ABL2: variants seen among roughly 807,000 people sequenced by gnomAD.
ABL2 encodes the protein ABL proto-oncogene 2, non-receptor tyrosine kinase, also known as tyrosine-protein kinase ABL2.
A neutral mutation model predicts 107.7 loss-of-function variants in ABL2; 49 were observed. That is an observed-to-expected ratio of 0.45 (90% CI 0.36 to 0.58). The LOEUF is 0.58. Among genes scored for constraint, ABL2 ranks in the 20% least tolerant of loss-of-function variants. The probability of loss-of-function intolerance (pLI) is 0.00; values close to 1 mark genes in which losing one functional copy is unlikely to be tolerated. For synonymous variants in ABL2, 549 were observed against 548.6 expected, an observed-to-expected ratio of 1.00 and a Z score of -0.01; for missense variants, 1,245 against 1,457.0, an observed-to-expected ratio of 0.85 and a Z score of 2.37.
Position 179,105,976 on chromosome 1 carries a change from A to G in ABL2, c.*1742T>C, listed in dbSNP as rs1478030021. 1 of 222,888 alleles carries G rather than the reference A, an allele frequency of 4.5e-6. No homozygotes were observed. Among genetic ancestry groups the G allele is most frequent in the South Asian group, 1.8e-4 (1 of 5,428 alleles). The allele number at this position is 222,888 out of a possible 1,614,324, so 13.8% of individuals were successfully genotyped here. ...ACTTACTTGCAACACCCTTGAGAACATGTACTGTTACCTTAATTAAATAGA... is the reference window on the plus strand; with the variant it reads ...ACTTACTTGCAACACCCTTGAGAACGTGTACTGTTACCTTAATTAAATAGA... On this transcript the variant is annotated 3_prime_UTR_variant, in exon 12 of 12. Coordinates refer to ENST00000502732, the MANE Select transcript of ABL2 (RefSeq NM_007314.4).
chr1:179,156,059 A>G (rs1658668288), intron 1 of ABL2, among the ~76,000 whole-genome samples: 1 of 152,258 alleles, frequency 6.6e-6, no homozygotes, highest in Non-Finnish European at 1.5e-5. Context: ...TGTACTGTAG[A>G]TAATGTACTA....
At chr1:179,146,515 G>C (rs964553762) in intron 1 of ABL2, among the ~76,000 whole-genome samples, 2 of 152,126 alleles carry the variant, frequency 1.3e-5, no homozygotes, top group Non-Finnish European at 2.9e-5. Flanking sequence ...TATATATAAT[G>C]AGATATCTTG....
chr1:179,178,229 C>T (rs1660157737), intron 1 of ABL2, among the ~76,000 whole-genome samples: 2 of 151,762 alleles, frequency 1.3e-5, no homozygotes. Context: ...GAAACCCTGT[C>T]TGCACTAAAA....
intron 1 of ABL2, among the ~76,000 whole-genome samples, chr1:179,199,983 A>T (rs551906893): frequency 6.7e-6 from 1 of 150,060 alleles, no homozygotes; most frequent in African/African-American, 2.5e-5. Flanking sequence ...CTCCTGCCTC[A>T]GCCTCCCAAA....
At chr1:179,203,638 T>C (rs754638621) in intron 1 of ABL2, among the ~76,000 whole-genome samples, 10 of 152,214 alleles carry the variant, frequency 6.6e-5, no homozygotes, top group Non-Finnish European at 1.2e-4. Flanking sequence ...GAAAGGCATC[T>C]TGGTAGGCAA....
intron 1 of ABL2, chr1:179,201,548 T>G: frequency 3.0e-6 from 1 of 335,084 alleles, no homozygotes; most frequent in East Asian, 7.2e-5. Context: ...AGTAGCAACC[T>G]GGAACAGAAT....
Position 179,229,301 on chromosome 1 carries a change from G to A in ABL2, c.97C>T (p.Arg33Cys). ...RGSSAARPSGRRRDPAGRTTE... is the reference protein window; with the variant it reads ...RGSSAARPSGCRRDPAGRTTE... ...GTGCGCCCCGCCGGGTCCCGCCTGC[G>A]GCCGGAGGGCCTGGCTGCACTGCTG... Residue 33 changes from arginine (R) to cysteine (C), a missense_variant, in exon 1 of 12, where the codon CGC becomes TGC. Physicochemically the swap from Arg to Cys is radical, Grantham distance 180. Coordinates refer to ENST00000502732, the MANE Select transcript of ABL2 (RefSeq NM_007314.4). The A allele has an allele frequency of 6.3e-7, 1 of 1,579,424 alleles. No individual in the cohort carries two copies. Among genetic ancestry groups the A allele is most frequent in the Non-Finnish European group, 8.6e-7 (1 of 1,164,890 alleles).
intron 1 of ABL2, among the ~76,000 whole-genome samples, chr1:179,217,239 A>G (rs1189418556): frequency 6.6e-6 from 1 of 152,026 alleles, no homozygotes. Context: ...GGTTGAACCC[A>G]AGAGGCCGAG....
intron 1 of ABL2, among the ~76,000 whole-genome samples, chr1:179,136,550 G>C (rs1657006132): frequency 6.8e-6 from 1 of 148,038 alleles, no homozygotes; most frequent in African/African-American, 2.5e-5. Flanking sequence ...CTAATCTCAA[G>C]TACCCAGGGA....
At position 179,120,224 on chromosome 1, in the gene ABL2, C is replaced by CT; in HGVS notation, c.1010dup (p.Glu338GlyfsTer6). ...GTACCAGATTAGGATGCTTGATTTCCTTCATTACTGCAGCTTCTTTCAGGA... is the reference window on the plus strand; with the variant it reads ...GTACCAGATTAGGATGCTTGATTTCCTTTCATTACTGCAGCTTCTTTCAGGA... On this transcript the variant is annotated frameshift_variant, in exon 6 of 12. Transcript: ENST00000502732. LOFTEE classifies it high-confidence loss of function. 6.2e-7 allele frequency: 1 copy of CT among 1,607,462 alleles called. No individual in the cohort carries two copies.
intron 1 of ABL2, among the ~76,000 whole-genome samples, chr1:179,218,036 A>AGTACTTAGTTTTATGTACTC (rs1662671067): frequency 6.6e-6 from 1 of 152,204 alleles, no homozygotes; most frequent in South Asian, 2.1e-4. Flanking sequence ...TTTAAAAGAA[A>AGTACTTAGTTTTATGTACTC]AAACAGATAT....
rs10643666 is a variant in ABL2 at position 179,130,726 on chromosome 1, TTGTGTGTGTGTGTGTGTGTGTG to T, written c.391+563_391+584del. Among the ~76,000 whole-genome samples, 299 of 142,810 alleles carry T rather than the reference TTGTGTGTGTGTGTGTGTGTGTG, an allele frequency of 2.1e-3. 1 individual carries two copies. The highest frequency in any genetic ancestry group is 7.1e-3 in the African/African-American group (274 of 38,436). The allele number at this position is 142,810 out of a possible 152,430, so 93.7% of individuals were successfully genotyped here. A position where few individuals can be genotyped will look rare whatever the true frequency, so the allele number is the denominator to read the frequency against. ...CAAATAAAATCAATCATTATTGATT[TTGTGTGTGTGTGTGTGTGTGTG>T]TGTGTGTGTGTGTGTGTACGCACAC... On this transcript the variant is annotated intron_variant, in intron 3 of 11. Transcript: ENST00000502732.
At chr1:179,129,737 G>C (rs1018129125) in intron 3 of ABL2, among the ~76,000 whole-genome samples, 1 of 151,076 alleles carries the variant, frequency 6.6e-6, no homozygotes, top group Non-Finnish European at 1.5e-5. Context: ...CAAATTTTAC[G>C]TAAAATGTTC....
intron 1 of ABL2, among the ~76,000 whole-genome samples, chr1:179,180,393 T>C (rs779435122): frequency 2.0e-5 from 3 of 152,194 alleles, no homozygotes; most frequent in Non-Finnish European, 4.4e-5. Flanking sequence ...TTCTTATACG[T>C]TCCCTCTGAG....
intron 1 of ABL2, among the ~76,000 whole-genome samples, chr1:179,145,093 A>C (rs10913700): frequency 0.081 from 12,356 of 152,246 alleles, 522 homozygotes; most frequent in Middle Eastern, 0.11. Context: ...AAATGTTGAT[A>C]TATGCTACAA....
rs567591594 is a variant in ABL2 at position 179,191,902 on chromosome 1, T to C, written c.157+37339A>G. On this transcript the variant is annotated intron_variant, in intron 1 of 11. Coordinates refer to ENST00000502732, the MANE Select transcript of ABL2 (RefSeq NM_007314.4). Reference sequence around the variant, plus strand: ...ATGAGACAGAAAATCTGACAATCAATTGGAAACTGTCATATAAAAATTAAG... The same window carrying C: ...ATGAGACAGAAAATCTGACAATCAACTGGAAACTGTCATATAAAAATTAAG... 5.3e-5 allele frequency among the ~76,000 whole-genome samples: 8 copies of C among 152,256 alleles called. No individual in the cohort carries two copies. The South Asian group carries it at 1.7e-3, about 32-fold the overall frequency.
intron 1 of ABL2, among the ~76,000 whole-genome samples, chr1:179,219,095 T>C (rs1240135657): frequency 6.6e-6 from 1 of 152,112 alleles, no homozygotes; most frequent in African/African-American, 2.4e-5. Context: ...CAGAATGGAG[T>C]GCAGCGACGT....
intron 1 of ABL2, among the ~76,000 whole-genome samples, chr1:179,201,312 A>G (rs1411771413): frequency 6.6e-6 from 1 of 152,200 alleles, no homozygotes; most frequent in East Asian, 1.9e-4. Flanking sequence ...CACTTTAACT[A>G]AAATTACCTT....
intron 1 of ABL2, among the ~76,000 whole-genome samples, chr1:179,145,068 G>C (rs1657892418): frequency 6.6e-6 from 1 of 152,108 alleles, no homozygotes; most frequent in African/African-American, 2.4e-5. Flanking sequence ...GTATTATTTA[G>C]CCATAAAAAG....
Sources: gnomAD v4.1 joint callset for allele counts (sites outside exome capture counted in the v4.1 genomes callset) on GRCh38, gnomAD v4.1.1 for gene constraint, MANE v1.5 for transcripts, NCBI Gene and HGNC (gene_info 2026-07-23, HGNC 2026-07-21) for gene names.